ADK: variants seen among roughly 807,000 people sequenced by gnomAD.
ADK encodes adenosine kinase.
ADK carries 24 observed loss-of-function variants against 44.7 expected under a neutral mutation model. The ratio of observed to expected loss-of-function variants is 0.54; its 90% CI spans 0.39 to 0.76. The LOEUF (loss-of-function observed/expected upper bound fraction) is 0.76. ADK is among the 30% of genes least tolerant of loss of function. ADK has a pLI of 0.00. For synonymous variants in ADK, 128 were observed against 142.6 expected, an observed-to-expected ratio of 0.90 and a Z score of 0.73; for missense variants, 321 against 425.1, an observed-to-expected ratio of 0.76 and a Z score of 2.15.
intron 4 of ADK, among the ~76,000 whole-genome samples, chr10:74,343,922 C>T (rs762482229): frequency 3.9e-5 from 6 of 152,074 alleles, no homozygotes; most frequent in Non-Finnish European, 5.9e-5. Flanking sequence ...GATGCTTTTT[C>T]TATGTGTGTT....
At chr10:74,634,493 G>A (rs1366423024) in intron 9 of ADK, among the ~76,000 whole-genome samples, 3 of 152,076 alleles carry the variant, frequency 2.0e-5, no homozygotes, top group Admixed American at 6.5e-5. Context: ...GATTACAGGC[G>A]TGAGCCACCA....
At chr10:74,626,940 A>T (rs1053939078) in intron 9 of ADK, among the ~76,000 whole-genome samples, 29 of 152,200 alleles carry the variant, frequency 1.9e-4, no homozygotes, top group African/African-American at 5.1e-4. Context: ...AACATAATCC[A>T]TGGCCTTGGT....
chr10:74,495,558 A>G lies in ADK; in HGVS notation c.556-29698A>G, dbSNP rs138907156. ...TTCTTTTTGGGTGAACTTAAGCCTA[A>G]GTACTGGTCAGGAAAAGGGTCAGAA... On this transcript the variant is annotated intron_variant, in intron 6 of 10. Transcript: ENST00000539909. Among the ~76,000 whole-genome samples, 852 of 152,338 alleles carry G rather than the reference A, an allele frequency of 5.6e-3. 3 individuals are homozygous for G. Among genetic ancestry groups the G allele is most frequent in the Non-Finnish European group, 9.2e-3 (627 of 68,032 alleles).
At chr10:74,544,635 G>C (rs111261841) in intron 7 of ADK, among the ~76,000 whole-genome samples, 5 of 152,184 alleles carry the variant, frequency 3.3e-5, no homozygotes, top group South Asian at 2.1e-4. Context: ...CCAGCATTTT[G>C]GGGGGCTGAG....
chr10:74,471,540 A>G (rs988842920), intron 6 of ADK, among the ~76,000 whole-genome samples: 2 of 152,146 alleles, frequency 1.3e-5, no homozygotes, highest in Non-Finnish European at 2.9e-5. Flanking sequence ...CTGCAAAAAA[A>G]TGTCATTGGG....
At chr10:74,281,908 T>G (rs1242804260) in intron 3 of ADK, among the ~76,000 whole-genome samples, 1 of 152,214 alleles carries the variant, frequency 6.6e-6, no homozygotes, top group Admixed American at 6.5e-5. Context: ...TAATCTTTTG[T>G]TTTGGTATGA....
chr10:74,582,813 T>C (rs1293415256), intron 7 of ADK, among the ~76,000 whole-genome samples: 1 of 152,200 alleles, frequency 6.6e-6, no homozygotes, highest in African/African-American at 2.4e-5. Context: ...CAGCATTCTG[T>C]AGACGGGAAG....
At chr10:74,161,712 GT>G (rs956958258) in intron 1 of ADK, among the ~76,000 whole-genome samples, 1 of 145,982 alleles carries the variant, frequency 6.9e-6, no homozygotes, top group Non-Finnish European at 1.5e-5. Flanking sequence ...TTTTTTTTTT[GT>G]TTTTTTTGAG....
chr10:74,229,828 C>T (rs920842530), intron 3 of ADK, among the ~76,000 whole-genome samples: 4 of 152,048 alleles, frequency 2.6e-5, no homozygotes, highest in African/African-American at 4.8e-5. Context: ...CTTGAGTCTA[C>T]GAGTTGGAGA....
chr10:74,667,510 A>AT (rs1855004939), intron 9 of ADK, among the ~76,000 whole-genome samples: 1 of 151,042 alleles, frequency 6.6e-6, no homozygotes, highest in South Asian at 2.1e-4. Context: ...ATTTTCAGCA[A>AT]TTTAGATAAA....
intron 6 of ADK, chr10:74,509,580 G>A (rs1236747327): frequency 6.6e-6 from 1 of 152,014 alleles, no homozygotes; most frequent in East Asian, 1.9e-4. Flanking sequence ...ATTTCTTTGT[G>A]TTAAGAACAT....
At chr10:74,300,342 CCTTCCTTCCTTCCTTCCTTTCTTT>C (rs1839984587) in intron 3 of ADK, among the ~76,000 whole-genome samples, 8 of 70,586 alleles carry the variant, frequency 1.1e-4, no homozygotes, top group Non-Finnish European at 1.6e-4. Context: ...TTCCTTCCTT[CCTTCCTTCCTTCCTTCCTTTCTTT>C]CTTTCTTCTT....
intron 1 of ADK, among the ~76,000 whole-genome samples, chr10:74,158,395 T>A (rs1363218362): frequency 6.6e-6 from 1 of 152,238 alleles, no homozygotes; most frequent in Non-Finnish European, 1.5e-5. Context: ...TATAATCTTT[T>A]AAGCTATATT....
intron 2 of ADK, among the ~76,000 whole-genome samples, chr10:74,215,532 C>T (rs2132207581): frequency 6.6e-6 from 1 of 152,110 alleles, no homozygotes; most frequent in East Asian, 1.9e-4. Context: ...GCTGTGTTGG[C>T]CAGGCTGGTC....
intron 1 of ADK, among the ~76,000 whole-genome samples, chr10:74,191,488 G>A (rs1842950097): frequency 6.6e-6 from 1 of 152,150 alleles, no homozygotes; most frequent in Admixed American, 6.5e-5. Flanking sequence ...TTGGGCTCAA[G>A]TGATTGTCCT....
chr10:74,683,039 A>G (rs968513210), intron 10 of ADK, among the ~76,000 whole-genome samples: 2 of 152,242 alleles, frequency 1.3e-5, no homozygotes, highest in Non-Finnish European at 2.9e-5. Flanking sequence ...TTGGTAGTCA[A>G]TATGAAGTCA....
intron 6 of ADK, among the ~76,000 whole-genome samples, chr10:74,475,980 C>CT (rs1846821636): frequency 6.6e-6 from 1 of 152,236 alleles, no homozygotes; most frequent in Admixed American, 6.5e-5. Context: ...TATACATAGA[C>CT]ACACATTGTA....
At chr10:74,241,234 G>C (rs532302182) in intron 3 of ADK, among the ~76,000 whole-genome samples, 99 of 152,156 alleles carry the variant, frequency 6.5e-4, no homozygotes, top group Middle Eastern at 6.8e-3. Context: ...AGCTGTTTTA[G>C]GTTCATTCAC....
Position 74,368,516 on chromosome 10 carries a change from A to G in ADK, c.274-25625A>G, listed in dbSNP as rs73288032. 5.7e-3 allele frequency among the ~76,000 whole-genome samples: 867 copies of G among 152,168 alleles called. 12 individuals are homozygous for G. The highest frequency in any genetic ancestry group is 0.02 in the African/African-American group (824 of 41,490). On this transcript the variant is annotated intron_variant, in intron 4 of 10. Transcript: ENST00000539909. ...TGTGTGTCATTTACCTCTTCATGGT[A>G]TCACACATCAGATACTTCTAACATA... is the stretch of plus-strand genomic sequence containing the variant.
Sources: gnomAD v4.1 joint callset for allele counts (sites outside exome capture counted in the v4.1 genomes callset) on GRCh38, gnomAD v4.1.1 for gene constraint, MANE v1.5 for transcripts, NCBI Gene and HGNC (gene_info 2026-07-23, HGNC 2026-07-21) for gene names.